The following ATP2B2 variants were observed in gnomAD, a reference collection of about 807,000 sequenced individuals.
The protein encoded by ATP2B2 is ATPase plasma membrane Ca2+ transporting 2.
In ATP2B2, 15 loss-of-function variants were observed where a neutral mutation model predicts 120.0. The observed-to-expected ratio is 0.12, with a 90% CI of 0.08 to 0.19. The LOEUF is 0.19. Ranked by LOEUF, ATP2B2 falls within the 10% of genes least tolerant of loss-of-function variation. ATP2B2 has a pLI of 1.00. For synonymous variants in ATP2B2, 694 were observed against 700.3 expected (o/e 0.99, Z 0.14); for missense variants, 1,045 against 1,719.8 (o/e 0.61, Z 6.94).
intron 2 of ATP2B2, among the ~76,000 whole-genome samples, chr3:10,426,414 C>CT (rs2063146634): frequency 6.6e-6 from 1 of 152,200 alleles, no homozygotes; most frequent in Non-Finnish European, 1.5e-5. Context: ...AACGTCTGCT[C>CT]TAAGACAGGC....
At chr3:10,509,719 G>A (rs537429762), upstream of ATP2B2, among the ~76,000 whole-genome samples, 1 of 152,186 alleles carries the variant, frequency 6.6e-6, no homozygotes, top group Admixed American at 6.5e-5. Flanking sequence ...TGGCTTGCCC[G>A]AAATCTCCTC....
At chr3:10,684,017 G>A (rs527434580) in intron 1 of ATP2B2, among the ~76,000 whole-genome samples, 3 of 152,008 alleles carry the variant, frequency 2.0e-5, no homozygotes, top group South Asian at 4.2e-4. Context: ...GTAGTGAGCA[G>A]CTCCATTGGA....
chr3:10,371,908 G>A lies in ATP2B2; in HGVS notation c.1560C>T (p.His520=), dbSNP rs547169657. 3.8e-5 allele frequency: 62 copies of A among 1,614,184 alleles called. No individual in the cohort carries two copies. The South Asian group carries it at 6.6e-4, about 17-fold the overall frequency. The change falls in exon 12 of 23, where the codon CAC becomes CAT. Residue 520 remains histidine, a synonymous_variant. Transcript: ENST00000360273. ...TVVQAYVGDV[H]YKEIPDPSSI... Reference sequence around the variant, plus strand: ...AGCTGGGGTCGGGGATCTCTTTATAGTGGACGTCGCCGACATAGGCCTGTA... The same window carrying A: ...AGCTGGGGTCGGGGATCTCTTTATAATGGACGTCGCCGACATAGGCCTGTA...
chr3:10,703,717 C>T (rs929121298), intron 1 of ATP2B2, among the ~76,000 whole-genome samples: 2 of 152,244 alleles, frequency 1.3e-5, no homozygotes, highest in African/African-American at 4.8e-5. Flanking sequence ...CTAGCTTCTG[C>T]ATTTGATGCT....
chr3:10,581,650 ACAT>A (rs1559469946), intron 2 of ATP2B2, among the ~76,000 whole-genome samples: 2 of 152,342 alleles, frequency 1.3e-5, no homozygotes, highest in Non-Finnish European at 2.9e-5. Context: ...CCTAAAAAGG[ACAT>A]AAGTGAAAGT....
intron 1 of ATP2B2, among the ~76,000 whole-genome samples, chr3:10,451,284 G>A (rs2064037565): frequency 6.6e-6 from 1 of 152,190 alleles, no homozygotes; most frequent in South Asian, 2.1e-4. Context: ...TGGGTGGGTG[G>A]ACTGTGCCAG....
intron 2 of ATP2B2, among the ~76,000 whole-genome samples, chr3:10,577,764 C>T (rs11708444): frequency 0.14 from 21,587 of 152,122 alleles, 1,725 homozygotes; most frequent in African/African-American, 0.19. Context: ...GCAGGGTTAC[C>T]GGGGAACCTG....
chr3:10,622,975 C>T (rs191607266), intron 1 of ATP2B2, among the ~76,000 whole-genome samples: 47 of 152,088 alleles, frequency 3.1e-4, no homozygotes, highest in East Asian at 1.9e-4. Flanking sequence ...TAGAAACAAC[C>T]CCTGCAGAGG....
At position 10,346,517 on chromosome 3, in the gene ATP2B2, T is replaced by C. The variant is rs1013334495; in HGVS notation, c.2405-380A>G. On this transcript the variant is annotated intron_variant, in intron 16 of 22. Coordinates refer to ENST00000360273, the MANE Select transcript of ATP2B2 (RefSeq NM_001001331.4). The surrounding 1 kb of genome is among the most constrained non-coding windows in gnomAD (Gnocchi z 4.1). ...CCAGGGTTTCAGCAGGACCTCACCA[T>C]CTGTTCCTCCCGACACCACTAGCCA... Among the ~76,000 whole-genome samples, 2 of 152,224 alleles carry C rather than the reference T, an allele frequency of 1.3e-5. No homozygotes were observed. The highest frequency in any genetic ancestry group is 3.8e-4 in the East Asian group (2 of 5,200).
At chr3:10,513,812 A>T (rs556137952) in intron 3 of ATP2B2, among the ~76,000 whole-genome samples, 1 of 151,890 alleles carries the variant, frequency 6.6e-6, no homozygotes, top group East Asian at 1.9e-4. Flanking sequence ...TAGGCTCAGG[A>T]CTCTCAATCC....
In ATP2B2 at chr3:10,373,296, A is replaced by G. The variant is rs1411658505; in HGVS notation, c.1417-1245T>C. On this transcript the variant is annotated intron_variant, in intron 11 of 22. Coordinates refer to ENST00000360273, the MANE Select transcript of ATP2B2 (RefSeq NM_001001331.4). ...GACCTGACCAGGATCACACACCCGG[A>G]GGGGTTTAAAGCTGGGATTTGAACC... Among the ~76,000 whole-genome samples, 5 of 152,226 alleles carry G rather than the reference A, an allele frequency of 3.3e-5. No homozygotes were observed. In the East Asian group the frequency reaches 9.6e-4, roughly 29 times the overall value.
chr3:10,354,002 G>A (rs1033505144), intron 14 of ATP2B2, among the ~76,000 whole-genome samples: 3 of 152,180 alleles, frequency 2.0e-5, no homozygotes, highest in African/African-American at 7.2e-5. Context: ...ATGCAACAGG[G>A]CATTCACGAG....
intron 2 of ATP2B2, among the ~76,000 whole-genome samples, chr3:10,594,921 T>G (rs1397272383): frequency 6.8e-6 from 1 of 147,416 alleles, no homozygotes; most frequent in Non-Finnish European, 1.5e-5. Context: ...AGGTTTTAAC[T>G]TAGGTCTGCC....
chr3:10,527,980 G>C (rs2067133738), intron 3 of ATP2B2, among the ~76,000 whole-genome samples: 1 of 152,168 alleles, frequency 6.6e-6, no homozygotes, highest in African/African-American at 2.4e-5. Context: ...GGGCAGGGGA[G>C]CAGGGCTGGC....
rs755473567 is a variant in ATP2B2 at position 10,340,401 on chromosome 3, C to T, written c.3130-52G>A. The T allele has an allele frequency of 1.4e-5, 22 of 1,611,874 alleles. No homozygotes were observed. Among genetic ancestry groups the T allele is most frequent in the African/African-American group, 5.3e-5 (4 of 74,900 alleles). ...GAGAGAGAGAGAGGCCATCAGGGAC[C>T]AGCACAGAGGGCTGGGCTCTCAGGG... On this transcript the variant is annotated intron_variant, in intron 20 of 22. Coordinates refer to ENST00000360273, the MANE Select transcript of ATP2B2 (RefSeq NM_001001331.4). The surrounding 1 kb of genome is among the most constrained non-coding windows in gnomAD (Gnocchi z 5.0).
intron 1 of ATP2B2, among the ~76,000 whole-genome samples, chr3:10,621,635 G>A (rs1312489290): frequency 6.6e-6 from 1 of 152,210 alleles, no homozygotes; most frequent in Non-Finnish European, 1.5e-5. Context: ...CAGGAGACGG[G>A]GAGTTAGCTC....
chr3:10,531,314 G>C lies in ATP2B2; in HGVS notation c.-320+2725C>G, dbSNP rs187417217. Among the ~76,000 whole-genome samples, 269 of 152,324 alleles carry C rather than the reference G, an allele frequency of 1.8e-3. 2 individuals carry two copies. Among genetic ancestry groups the C allele is most frequent in the Middle Eastern group, 6.8e-3 (2 of 294 alleles). On this transcript the variant is annotated intron_variant, in intron 3 of 21. Coordinates refer to the ATP2B2 transcript ENST00000646379. ...AGACTTGGAAACGCAGACAGTGCCG[G>C]GTCAGAGTGCTGGTTCCCAGCAGAT...
At chr3:10,553,712 G>A (rs1344196575) in intron 2 of ATP2B2, among the ~76,000 whole-genome samples, 1 of 152,206 alleles carries the variant, frequency 6.6e-6, no homozygotes, top group Non-Finnish European at 1.5e-5. Flanking sequence ...GCAGCTCGGA[G>A]TGGGTGGAGC....
Position 10,410,720 on chromosome 3 carries a change from C to A in ATP2B2, c.295G>T (p.Val99Leu). The change falls in exon 3 of 23, where the codon GTG (valine) becomes TTG (leucine). Residue 99 changes from valine (V) to leucine (L), a missense_variant. By Grantham distance (32) the Val-to-Leu change is conservative. This residue lies in a region of ATP2B2 where 139 missense variants were observed against 134.2 expected (regional missense o/e 1.04). Transcript: ENST00000360273. ...GTCACGTCCTGCAGCGCCTCCCACA[C>A]GAGCTGCAGGAAGGTTTTTGGCTTC... Reference protein sequence around the residue: ...PKKPKTFLQLVWEALQDVTLI... With the variant: ...PKKPKTFLQLLWEALQDVTLI... 6.2e-7 allele frequency: 1 copy of A among 1,614,156 alleles called. No individual in the cohort carries two copies. Among genetic ancestry groups the A allele is most frequent in the Non-Finnish European group, 8.5e-7 (1 of 1,180,016 alleles).
Sources: allele counts gnomAD v4.1 joint callset (sites outside exome capture counted in the v4.1 genomes callset), GRCh38; gene constraint gnomAD v4.1.1; regional missense constraint gnomAD v4.1.1; non-coding constraint Gnocchi (gnomAD v3.1); transcripts MANE v1.5; gene names NCBI Gene and HGNC (gene_info 2026-07-23, HGNC 2026-07-21).